MCM9: variants seen among roughly 807,000 people sequenced by gnomAD.
MCM9 encodes the protein DNA helicase MCM9.
Under a neutral mutation model 72.8 loss-of-function variants are expected in MCM9, and 55 were observed. That is an observed-to-expected ratio of 0.76 (90% CI 0.61 to 0.95). MCM9 has a LOEUF of 0.95. MCM9 is among the 40% of genes least tolerant of loss of function. The pLI is 0.00. For missense variants in MCM9, 1,279 were observed against 1,377.0 expected, an observed-to-expected ratio of 0.93 and a Z score of 1.13; for synonymous variants, 480 against 503.4, an observed-to-expected ratio of 0.95 and a Z score of 0.62.
At chr6:118,842,955 TAAAG>T (rs201708943) in intron 9 of MCM9, among the ~76,000 whole-genome samples, 20,366 of 152,156 alleles carry the variant, frequency 0.13, 1,513 homozygotes, top group Non-Finnish European at 0.17. Context: ...TTAAGTAACA[TAAAG>T]AACAACAAAA....
chr6:118,926,019 A>G (rs1583692914), intron 3 of MCM9, among the ~76,000 whole-genome samples: 1 of 152,332 alleles, frequency 6.6e-6, no homozygotes, highest in East Asian at 1.9e-4. Context: ...TTGTATAACC[A>G]TCACCACTAA....
At chr6:118,816,842 A>G (rs1439413989) in intron 13 of MCM9, among the ~76,000 whole-genome samples, 2 of 148,170 alleles carry the variant, frequency 1.3e-5, no homozygotes, top group Non-Finnish European at 3.0e-5. Context: ...TCAGGAGTCA[A>G]GAGTCTGTGA....
intron 8 of MCM9, among the ~76,000 whole-genome samples, chr6:118,860,152 G>A (rs1054300653): frequency 6.6e-6 from 1 of 152,066 alleles, no homozygotes. Context: ...CATCAAAATC[G>A]GATCTAGATA....
At chr6:118,829,348 A>G in intron 9 of MCM9, 98 bp from the exon 10 acceptor site, 1 of 1,096,718 alleles carries the variant, frequency 9.1e-7, no homozygotes, top group Non-Finnish European at 1.3e-6. Context: ...CACCTTGAAA[A>G]TCTACGAACT....
chr6:118,819,968 C>A (rs188578212), intron 13 of MCM9, among the ~76,000 whole-genome samples: 1 of 151,572 alleles, frequency 6.6e-6, no homozygotes, highest in East Asian at 1.9e-4. Context: ...GTTGTGGTAT[C>A]CCCTTTATCA....
At chr6:118,912,047 G>A (rs994284196) in intron 7 of MCM9, 6 of 204,604 alleles carry the variant, frequency 2.9e-5, no homozygotes, top group Non-Finnish European at 2.9e-5. Flanking sequence ...GGCCAGGTGC[G>A]GTGGCTCACA....
At chr6:118,930,891 C>T (rs540678807) in intron 3 of MCM9, among the ~76,000 whole-genome samples, 14 of 152,318 alleles carry the variant, frequency 9.2e-5, no homozygotes, top group African/African-American at 3.1e-4. Flanking sequence ...TTCAAGGATA[C>T]AGCTTTGCCA....
At chr6:118,829,554 C>A (rs1284320311) in intron 9 of MCM9, among the ~76,000 whole-genome samples, 1 of 152,168 alleles carries the variant, frequency 6.6e-6, no homozygotes, top group African/African-American at 2.4e-5. Flanking sequence ...AAGGGGCTTG[C>A]AATCTACTAG....
chr6:118,820,612 G>C (rs1331214137), intron 13 of MCM9, among the ~76,000 whole-genome samples: 1 of 152,200 alleles, frequency 6.6e-6, no homozygotes, highest in African/African-American at 2.4e-5. Flanking sequence ...ATTTGGGGTA[G>C]AGAGTTCTGT....
intron 8 of MCM9, among the ~76,000 whole-genome samples, chr6:118,861,909 C>T (rs1331677177): frequency 6.6e-6 from 1 of 152,176 alleles, no homozygotes; most frequent in Non-Finnish European, 1.5e-5. Context: ...CCACCATCAA[C>T]ATGCCATCCA....
intron 9 of MCM9, among the ~76,000 whole-genome samples, chr6:118,836,644 T>C: frequency 6.6e-6 from 1 of 152,220 alleles, no homozygotes; most frequent in East Asian, 1.9e-4. Flanking sequence ...GAAGTATTTA[T>C]AGTATTCTCT....
intron 8 of MCM9, among the ~76,000 whole-genome samples, chr6:118,890,384 C>T (rs908201493): frequency 1.1e-4 from 16 of 152,254 alleles, no homozygotes; most frequent in African/African-American, 3.9e-4. Flanking sequence ...GATATCTTAC[C>T]CTCCTGCCAT....
At chr6:118,864,805 G>A (rs1161942249) in intron 8 of MCM9, among the ~76,000 whole-genome samples, 1 of 152,134 alleles carries the variant, frequency 6.6e-6, no homozygotes, top group Non-Finnish European at 1.5e-5. Flanking sequence ...AAATTGTGGT[G>A]GTTTGCTATG....
intron 8 of MCM9, among the ~76,000 whole-genome samples, chr6:118,859,079 A>C (rs1776749711): frequency 6.6e-6 from 1 of 152,206 alleles, no homozygotes; most frequent in African/African-American, 2.4e-5. Context: ...GAACACTGGA[A>C]CAGAACAGAA....
chr6:118,821,952 G>A (rs769369971), intron 13 of MCM9, among the ~76,000 whole-genome samples: 1 of 152,044 alleles, frequency 6.6e-6, no homozygotes, highest in South Asian at 2.1e-4. Context: ...TGAAGTTCTC[G>A]TGCTGTGTTT....
At chr6:118,851,324 A>G (rs1776212513) in intron 9 of MCM9, among the ~76,000 whole-genome samples, 1 of 151,876 alleles carries the variant, frequency 6.6e-6, no homozygotes, top group Non-Finnish European at 1.5e-5. Context: ...CTCTGTTACT[A>G]TAAGGTAATT....
chr6:118,869,215 A>G (rs1158089853), intron 8 of MCM9, among the ~76,000 whole-genome samples: 1 of 152,042 alleles, frequency 6.6e-6, no homozygotes, highest in Non-Finnish European at 1.5e-5. Context: ...AACAATGAGA[A>G]CACTTGGACA....
At chr6:118,889,410 G>A (rs2114441741) in intron 8 of MCM9, among the ~76,000 whole-genome samples, 1 of 152,288 alleles carries the variant, frequency 6.6e-6, no homozygotes, top group East Asian at 1.9e-4. Flanking sequence ...CTTAGTAATG[G>A]CTTTGTACGA....
Position 118,852,096 on chromosome 6 carries a change from C to T in MCM9, c.1325+4275G>A, listed in dbSNP as rs540397060. On this transcript the variant is annotated intron_variant, in intron 9 of 13. Transcript: ENST00000619706. ...GGTATAGCCTATTGCTCCGAGGCTACAAGCCTACACAGCACGTTACTGTAC... is the reference window on the plus strand; with the variant it reads ...GGTATAGCCTATTGCTCCGAGGCTATAAGCCTACACAGCACGTTACTGTAC... 6.6e-5 allele frequency among the ~76,000 whole-genome samples: 10 copies of T among 152,272 alleles called. No homozygotes were observed. In the South Asian group the frequency reaches 2.1e-3, roughly 32 times the overall value.
Sources: gnomAD v4.1 joint callset for allele counts (sites outside exome capture counted in the v4.1 genomes callset) on GRCh38, gnomAD v4.1.1 for gene constraint, MANE v1.5 for transcripts, NCBI Gene and HGNC (gene_info 2026-07-23, HGNC 2026-07-21) for gene names.